Variants in SMPD4 observed in about 807,000 individuals in gnomAD.
SMPD4 encodes the protein sphingomyelin phosphodiesterase 4.
Under a neutral mutation model 97.8 loss-of-function variants are expected in SMPD4, and 58 were observed. The observed-to-expected ratio is 0.59, with a 90% CI of 0.48 to 0.74. The LOEUF (loss-of-function observed/expected upper bound fraction) is 0.74, where lower values mean the gene tolerates loss of function less well. Ranked by LOEUF, SMPD4 falls within the 30% of genes least tolerant of loss-of-function variation. The probability of loss-of-function intolerance (pLI) is 0.00; values close to 1 mark genes in which losing one functional copy is unlikely to be tolerated. For missense variants in SMPD4, 853 were observed against 1,080.5 expected (o/e 0.79, Z 2.95); for synonymous variants, 388 against 450.0 (o/e 0.86, Z 1.74).
intron 7 of SMPD4, 41 bp from the exon 8 acceptor site, chr2:130,172,541 T>G: frequency 6.2e-7 from 1 of 1,613,192 alleles, no homozygotes; most frequent in Non-Finnish European, 8.5e-7. Context: ...CTCTGGACAC[T>G]GCCAGGCCAC....
intron 10 of SMPD4, among the ~76,000 whole-genome samples, chr2:130,163,775 T>C (rs1687656074): frequency 6.6e-6 from 1 of 152,318 alleles, no homozygotes; most frequent in Non-Finnish European, 1.5e-5. Flanking sequence ...ACCCAGGGCC[T>C]CCGCCACCTC....
At chr2:130,175,979 C>A (rs924974713) in intron 2 of SMPD4, among the ~76,000 whole-genome samples, 1 of 152,078 alleles carries the variant, frequency 6.6e-6, no homozygotes, top group Admixed American at 6.6e-5. Flanking sequence ...TATCTAACTT[C>A]TCACTTCTCA....
At chr2:130,180,133 G>GT (rs923285012) in intron 1 of SMPD4, among the ~76,000 whole-genome samples, 2 of 135,668 alleles carry the variant, frequency 1.5e-5, no homozygotes, top group African/African-American at 2.8e-5. Flanking sequence ...CCGGCTAATT[G>GT]TTTTTTGTAT....
At chr2:130,154,052 A>G (rs942013158) in intron 16 of SMPD4, 117 bp from the exon 17 acceptor site, 3 of 1,112,412 alleles carry the variant, frequency 2.7e-6, no homozygotes, top group Non-Finnish European at 3.8e-6. Context: ...CTTCTGCCAG[A>G]AGACTTTTAA....
At chr2:130,156,822 G>A (rs1686850106) in intron 12 of SMPD4, 147 bp from the exon 13 acceptor site, 1 of 1,545,334 alleles carries the variant, frequency 6.5e-7, no homozygotes, top group East Asian at 2.5e-5. Flanking sequence ...TTCTTCAGAG[G>A]AAGAAATCAA....
chr2:130,153,178 A>G lies in SMPD4; in HGVS notation c.2026-7T>C. ...TTCGCAGCCCATTGATGATCTAGAA[A>G]GCCAGGCCATGGGGATGGGTCAGAA... is the stretch of plus-strand genomic sequence containing the variant. On this transcript the variant is annotated splice_region_variant and splice_polypyrimidine_tract_variant and intron_variant, in intron 18 of 19. Coordinates refer to ENST00000680298, the MANE Select transcript of SMPD4 (RefSeq NM_017951.5). 1 of 1,613,738 alleles carries G rather than the reference A, an allele frequency of 6.2e-7. No individual in the cohort carries two copies. The highest frequency in any genetic ancestry group is 8.5e-7 in the Non-Finnish European group (1 of 1,179,982).
At chr2:130,156,837 CAG>C in intron 12 of SMPD4, 162 bp from the exon 13 acceptor site, 2 of 1,541,690 alleles carry the variant, frequency 1.3e-6, no homozygotes, top group Middle Eastern at 4.6e-4. Flanking sequence ...AATCAAGGTT[CAG>C]AGAGGTTAGG....
Position 130,181,566 on chromosome 2 carries a change from A to T in SMPD4, c.-82T>A. On this transcript the variant is annotated 5_prime_UTR_variant, in exon 1 of 20. Transcript: ENST00000680298. The stretch of plus-strand genomic sequence containing the variant: ...ATAGCGTCGCTCGCCTCAGAGATGG[A>T]AGCCGCCATTCCGCCACGGCGCCGA... 1.2e-6 allele frequency: 2 copies of T among 1,606,788 alleles called. No individual in the cohort carries two copies. Among genetic ancestry groups the T allele is most frequent in the South Asian group, 2.2e-5 (2 of 89,986 alleles).
chr2:130,165,674 AACAG>A (rs1687863672), intron 9 of SMPD4, among the ~76,000 whole-genome samples: 1 of 152,208 alleles, frequency 6.6e-6, no homozygotes, highest in Non-Finnish European at 1.5e-5. Flanking sequence ...ACTCCATAGA[AACAG>A]AGAGCAGAAT....
At chr2:130,157,965 C>A in intron 11 of SMPD4, 1 of 220,718 alleles carries the variant, frequency 4.5e-6, no homozygotes, top group Non-Finnish European at 9.2e-6. Context: ...TAGGGACACC[C>A]TGTCTCTACA....
rs1267076986 is a variant in SMPD4 at position 130,181,524 on chromosome 2, A to C, written c.-46+6T>G. On this transcript the variant is annotated splice_donor_region_variant and intron_variant, in intron 1 of 19. Transcript: ENST00000680298. ...CCGTCTCAGGCGCGCATCCCGCGCC[A>C]CTCACCTGTGGGATCCATAGCGTCG... 1.2e-6 allele frequency: 2 copies of C among 1,601,428 alleles called. No homozygotes were observed. The highest frequency in any genetic ancestry group is 2.2e-5 in the South Asian group (2 of 89,100).
In SMPD4 at chr2:130,154,521, A is replaced by G. The variant is rs2463328; in HGVS notation, c.1454-39T>C. ...GACGAACCTGGCACCCACTTCCCGGAGGCAGAGTACCCGACTGCTGCCCTT... is the reference window on the plus strand; with the variant it reads ...GACGAACCTGGCACCCACTTCCCGGGGGCAGAGTACCCGACTGCTGCCCTT... On this transcript the variant is annotated intron_variant, in intron 15 of 19. Transcript: ENST00000680298. The G allele has an allele frequency of 5.8e-6, 9 of 1,551,094 alleles. No individual in the cohort carries two copies. In the South Asian group the frequency reaches 5.9e-5, roughly 10 times the overall value.
intron 11 of SMPD4, chr2:130,158,108 C>A (rs1687011297): frequency 2.0e-6 from 2 of 1,008,788 alleles, no homozygotes; most frequent in South Asian, 3.2e-5. Context: ...CCACTGCACT[C>A]CAGCGTGGGT....
Position 130,153,300 on chromosome 2 carries a change from T to G in SMPD4, c.2025+19A>C, listed in dbSNP as rs771920003. 2 of 1,613,540 alleles carry G rather than the reference T, an allele frequency of 1.2e-6. No homozygotes were observed. Among genetic ancestry groups the G allele is most frequent in the South Asian group, 2.2e-5 (2 of 91,082 alleles). ...GGTCAGGGCCCAGCCTGTGCGCCTCTGAGACACGGGCCTCTCACCTGGTAC... is the reference window on the plus strand; with the variant it reads ...GGTCAGGGCCCAGCCTGTGCGCCTCGGAGACACGGGCCTCTCACCTGGTAC... On this transcript the variant is annotated intron_variant, in intron 18 of 19. Coordinates refer to ENST00000680298, the MANE Select transcript of SMPD4 (RefSeq NM_017951.5).
At chr2:130,165,474 G>A (rs1188295677) in intron 9 of SMPD4, among the ~76,000 whole-genome samples, 2 of 151,374 alleles carry the variant, frequency 1.3e-5, no homozygotes, top group East Asian at 3.9e-4. Context: ...TCTACTGAGA[G>A]ATGAATGAAT....
At chr2:130,157,479 C>A (rs190205752) in intron 11 of SMPD4, 83 bp from the exon 12 acceptor site, 1 of 1,573,794 alleles carries the variant, frequency 6.4e-7, no homozygotes, top group African/African-American at 1.3e-5. Flanking sequence ...CACATCCCGC[C>A]CTGAGCCAGT....
At chr2:130,156,229 G>A in intron 13 of SMPD4, 94 bp from the exon 14 acceptor site, 11 of 1,082,116 alleles carry the variant, frequency 1.0e-5, no homozygotes. Flanking sequence ...GGGTGGGACT[G>A]ACTCTTCTCA....
Position 130,173,613 on chromosome 2 carries a change from C to G in SMPD4, c.170G>C (p.Gly57Ala). 6.2e-7 allele frequency: 1 copy of G among 1,613,860 alleles called. No homozygotes were observed. Among genetic ancestry groups the G allele is most frequent in the Non-Finnish European group, 8.5e-7 (1 of 1,179,842 alleles). ...IFPWLVESIF[G>A]SLDGVLVGWN... is the part of the protein sequence containing the mutation. ...GCCAACGAGGACACCATCTAGGCTG[C>G]CAAAAATGCTTTCTACCAGCCATGG... is the stretch of plus-strand genomic sequence containing the variant. The change falls in exon 4 of 20, where the codon GGC becomes GCC. Residue 57 changes from glycine to alanine, a missense_variant. Physicochemically the swap from Gly to Ala is moderately conservative, Grantham distance 60 (BLOSUM62 0). This residue lies in a region of SMPD4 where 313 missense variants were observed against 402.2 expected (regional missense o/e 0.78). Transcript: ENST00000680298.
intron 11 of SMPD4, chr2:130,158,356 C>G: frequency 1.3e-6 from 1 of 743,266 alleles, no homozygotes; most frequent in Non-Finnish European, 1.9e-6. Context: ...CTCCCTCTGT[C>G]GCCCAGGCTG....
Sources: gnomAD v4.1 joint callset for allele counts (sites outside exome capture counted in the v4.1 genomes callset) on GRCh38, gnomAD v4.1.1 for gene constraint, gnomAD v4.1.1 regional missense constraint, MANE v1.5 for transcripts, NCBI Gene and HGNC (gene_info 2026-07-23, HGNC 2026-07-21) for gene names.